PCMT1: variants seen among roughly 807,000 people sequenced by gnomAD.
PCMT1 encodes the protein protein-L-isoaspartate(D-aspartate) O-methyltransferase.
In PCMT1, 9 loss-of-function variants were observed where a neutral mutation model predicts 29.2. That is an observed-to-expected ratio of 0.31 (90% confidence interval 0.19 to 0.54). PCMT1 has a LOEUF of 0.54. Among genes scored for constraint, PCMT1 ranks in the 20% least tolerant of loss-of-function variants. The pLI, the probability that PCMT1 is intolerant of heterozygous loss-of-function variation, is 0.95. For missense variants in PCMT1, 184 were observed against 282.2 expected (o/e 0.65, Z 2.49); for synonymous variants, 98 against 97.5 (o/e 1.00, Z -0.03).
chr6:149,758,367 C>T (rs1419667048), intron 1 of PCMT1, among the ~76,000 whole-genome samples: 5 of 134,834 alleles, frequency 3.7e-5, no homozygotes, highest in South Asian at 4.9e-4. Flanking sequence ...TATGCTACCA[C>T]GCCTGGCTAA....
chr6:149,782,584 T>C (rs755210114), intron 3 of PCMT1, among the ~76,000 whole-genome samples: 2 of 152,094 alleles, frequency 1.3e-5, no homozygotes, highest in Non-Finnish European at 2.9e-5. Flanking sequence ...ATCTGTCAAG[T>C]GAGGAAGTAC....
intron 1 of PCMT1, among the ~76,000 whole-genome samples, chr6:149,756,449 A>G (rs1439073913): frequency 6.8e-6 from 1 of 147,604 alleles, no homozygotes; most frequent in Non-Finnish European, 1.5e-5. Context: ...CCTGGGTTCA[A>G]GCGACTCCTC....
intron 3 of PCMT1, among the ~76,000 whole-genome samples, chr6:149,789,479 G>A (rs1477230080): frequency 1.3e-5 from 2 of 152,214 alleles, no homozygotes; most frequent in East Asian, 3.9e-4. Context: ...ACCTGAGGTC[G>A]AGAGTTCGAG....
At chr6:149,785,355 C>CTTTTT (rs11310169) in intron 3 of PCMT1, among the ~76,000 whole-genome samples, 2 of 73,220 alleles carry the variant, frequency 2.7e-5, no homozygotes, top group Admixed American at 1.5e-4. Context: ...TGGCTGTTTT[C>CTTTTT]TTTTTTTTTT....
chr6:149,749,863 C>G lies in PCMT1; in HGVS notation c.-39C>G, dbSNP rs1272231302. ...AAAACTGCTGGGCACCGTCGTCGCG[C>G]TGAAGGTGGTTCTGTACCTGCTCCG... On this transcript the variant is annotated 5_prime_UTR_variant, in exon 1 of 8. Transcript: ENST00000464889. 1 of 1,598,416 alleles carries G rather than the reference C, an allele frequency of 6.3e-7. No homozygotes were observed. Among genetic ancestry groups the G allele is most frequent in the East Asian group, 2.3e-5 (1 of 44,274 alleles).
At position 149,774,869 on chromosome 6, in the gene PCMT1, G is replaced by T. The variant is rs1787494294; in HGVS notation, c.192+1700G>T. Reference sequence around the variant, plus strand: ...CTACAGGTGCCCGCCACCATGCCCTGCTAGTTTTTTGTATTTTTTAGTAGA... The same window carrying T: ...CTACAGGTGCCCGCCACCATGCCCTTCTAGTTTTTTGTATTTTTTAGTAGA... On this transcript the variant is annotated intron_variant, in intron 3 of 7. Coordinates refer to ENST00000464889, the MANE Select transcript of PCMT1 (RefSeq NM_001360452.2). Among the ~76,000 whole-genome samples, 3 of 151,942 alleles carry T rather than the reference G, an allele frequency of 2.0e-5. No homozygotes were observed. The South Asian group carries it at 6.2e-4, about 32-fold the overall frequency.
intron 5 of PCMT1, chr6:149,796,132 A>C (rs1337000083): frequency 8.4e-6 from 2 of 237,952 alleles, no homozygotes; most frequent in Non-Finnish European, 1.6e-5. Context: ...TCAGGAGTTC[A>C]AAAAAAAGAG....
rs562761352 is a variant in PCMT1 at position 149,772,948 on chromosome 6, C to T, written c.161-190C>T. On this transcript the variant is annotated intron_variant, in intron 2 of 7. Coordinates refer to ENST00000464889, the MANE Select transcript of PCMT1 (RefSeq NM_001360452.2). Reference sequence around the variant, plus strand: ...AGTAGAATGGCGTGAACCTGGGAGGCGGAGCTTGCAGTGAGCCAAGATCGC... The same window carrying T: ...AGTAGAATGGCGTGAACCTGGGAGGTGGAGCTTGCAGTGAGCCAAGATCGC... 8.4e-5 allele frequency among the ~76,000 whole-genome samples: 12 copies of T among 143,336 alleles called. No individual in the cohort carries two copies. In the East Asian group the frequency reaches 1.3e-3, roughly 15 times the overall value. The allele number at this position is 143,336 out of a possible 152,430, so 94.0% of individuals were successfully genotyped here.
intron 7 of PCMT1, among the ~76,000 whole-genome samples, chr6:149,809,592 C>T (rs1198635124): frequency 6.6e-6 from 1 of 151,962 alleles, no homozygotes; most frequent in Non-Finnish European, 1.5e-5. Context: ...AAAAATTGTC[C>T]AGTAATTTAC....
intron 1 of PCMT1, among the ~76,000 whole-genome samples, chr6:149,757,731 T>C (rs1440909367): frequency 6.6e-6 from 1 of 152,216 alleles, no homozygotes; most frequent in Admixed American, 6.6e-5. Flanking sequence ...AAGCAAAGAA[T>C]GGTTGACCAT....
At position 149,751,018 on chromosome 6, in the gene PCMT1, T is replaced by TA. The variant is rs879465247; in HGVS notation, c.55+1070dup. Among the ~76,000 whole-genome samples, 437 of 152,248 alleles carry TA rather than the reference T, an allele frequency of 2.9e-3. 1 individual carries two copies. The highest frequency in any genetic ancestry group is 5.0e-3 in the Non-Finnish European group (343 of 67,996). On this transcript the variant is annotated intron_variant, in intron 1 of 7. Transcript: ENST00000464889. ...TAATTTCCTTAACGGCTGGCACCAT[T>TA]AAAAAAAATTTTTTTTGGCCGGGCT... is the stretch of plus-strand genomic sequence containing the variant.
rs1786224461 is a variant in PCMT1, at chr6:149,749,789, G to A, written c.-113G>A. 1.3e-6 allele frequency: 2 copies of A among 1,551,526 alleles called. No homozygotes were observed. The highest frequency in any genetic ancestry group is 8.7e-7 in the Non-Finnish European group (1 of 1,146,970). ...GGCAGTAACAGCGGCAGCTACAGCG[G>A]GGACGCGAGCGGGGCGGTGACGGTG... On this transcript the variant is annotated 5_prime_UTR_variant, in exon 1 of 8. Coordinates refer to ENST00000464889, the MANE Select transcript of PCMT1 (RefSeq NM_001360452.2).
At chr6:149,798,409 C>T (rs1788699609) in intron 6 of PCMT1, among the ~76,000 whole-genome samples, 1 of 152,006 alleles carries the variant, frequency 6.6e-6, no homozygotes, top group African/African-American at 2.4e-5. Context: ...CCTACTGGGA[C>T]CCTGAAGTGA....
chr6:149,782,486 G>A (rs1787852050), intron 3 of PCMT1, among the ~76,000 whole-genome samples: 1 of 152,178 alleles, frequency 6.6e-6, no homozygotes, highest in African/African-American at 2.4e-5. Context: ...TATCCTGGTA[G>A]CAGTGAGCAC....
intron 1 of PCMT1, among the ~76,000 whole-genome samples, chr6:149,752,189 T>G (rs928910792): frequency 6.6e-6 from 1 of 151,668 alleles, no homozygotes; most frequent in Non-Finnish European, 1.5e-5. Flanking sequence ...ATGGTGAATG[T>G]TTAGATGTCA....
intron 6 of PCMT1, chr6:149,798,215 A>G (rs1225096279): frequency 6.6e-6 from 1 of 151,056 alleles, no homozygotes; most frequent in Admixed American, 6.6e-5. Context: ...TACACATTTT[A>G]ACTGAAGTAT....
intron 6 of PCMT1, among the ~76,000 whole-genome samples, chr6:149,801,070 A>C: frequency 6.6e-6 from 1 of 152,244 alleles, no homozygotes; most frequent in East Asian, 1.9e-4. Flanking sequence ...TATAACAATC[A>C]AAGTATGTAC....
intron 7 of PCMT1, among the ~76,000 whole-genome samples, chr6:149,809,799 A>C (rs1437352118): frequency 1.3e-5 from 2 of 152,068 alleles, no homozygotes; most frequent in Non-Finnish European, 2.9e-5. Flanking sequence ...CTTTCTATAT[A>C]TACATATATG....
chr6:149,764,978 T>G (rs1380744396), intron 1 of PCMT1, among the ~76,000 whole-genome samples: 3 of 149,888 alleles, frequency 2.0e-5, no homozygotes, highest in Non-Finnish European at 3.0e-5. Flanking sequence ...GAGGCGGAGC[T>G]TGCAGTGAGC....
Sources: gnomAD v4.1 joint callset for allele counts (sites outside exome capture counted in the v4.1 genomes callset) on GRCh38, gnomAD v4.1.1 for gene constraint, MANE v1.5 for transcripts, NCBI Gene and HGNC (gene_info 2026-07-23, HGNC 2026-07-21) for gene names.